Variants in SKA3 observed in about 807,000 individuals in gnomAD.
The protein encoded by SKA3 is spindle and kinetochore associated complex subunit 3.
Under a neutral mutation model 44.2 loss-of-function variants are expected in SKA3, and 39 were observed. The observed-to-expected ratio is 0.88, with a 90% CI of 0.68 to 1.15. The LOEUF (loss-of-function observed/expected upper bound fraction) is 1.15. Ranked by LOEUF, SKA3 falls within the 50% of genes most tolerant of loss-of-function variation. SKA3 has a pLI of 0.00. For synonymous variants in SKA3, 192 were observed against 172.0 expected (o/e 1.12, Z -0.91); for missense variants, 511 against 485.8 (o/e 1.05, Z -0.49).
At chr13:21,174,965 C>T (rs1489483372) in intron 1 of SKA3, among the ~76,000 whole-genome samples, 1 of 152,086 alleles carries the variant, frequency 6.6e-6, no homozygotes, top group Non-Finnish European at 1.5e-5. Flanking sequence ...TTTCACATTC[C>T]TGATGACCAT....
Position 21,168,162 on chromosome 13 carries a change from GT to G in SKA3, c.568del (p.Thr190ProfsTer8). The G allele has an allele frequency of 1.2e-6, 2 of 1,614,122 alleles. No individual in the cohort carries two copies. The highest frequency in any genetic ancestry group is 1.7e-6 in the Non-Finnish European group (2 of 1,179,998). The part of the protein sequence containing the change: ...NNYKEEPVIV[T>X]PPTKQSLVKV... ...TACTAGTGATTGTTTGGTAGGTGGG[GT>G]TACAATTACGGGCTCTTCCTTATAG... On this transcript the variant is annotated frameshift_variant, in exon 4 of 9. Coordinates refer to ENST00000314759, the MANE Select transcript of SKA3 (RefSeq NM_145061.6). LOFTEE classifies it high-confidence loss of function.
intron 3 of SKA3, 111 bp downstream of exon 3, chr13:21,172,228 A>G (rs1595306260): frequency 3.4e-6 from 2 of 592,918 alleles, no homozygotes; most frequent in African/African-American, 1.9e-5. Context: ...TAAGCGTCAG[A>G]TAACAACAGA....
intron 8 of SKA3, among the ~76,000 whole-genome samples, 155 bp downstream of exon 8, chr13:21,155,538 C>G (rs1177338814): frequency 6.6e-6 from 1 of 151,982 alleles, no homozygotes; most frequent in African/African-American, 2.4e-5. Context: ...TCCTGAGTAG[C>G]TGGGACTACA....
At chr13:21,174,517 T>G in intron 1 of SKA3, among the ~76,000 whole-genome samples, 1 of 150,668 alleles carries the variant, frequency 6.6e-6, no homozygotes, top group African/African-American at 2.5e-5. Flanking sequence ...CACTCATAGG[T>G]GGGAATTGAA....
chr13:21,159,565 C>A (rs1008350468), intron 6 of SKA3, among the ~76,000 whole-genome samples: 1 of 151,990 alleles, frequency 6.6e-6, no homozygotes, highest in South Asian at 2.1e-4. Context: ...TATGGATATG[C>A]CTTGCTGTGT....
At position 21,154,697 on chromosome 13, in the gene SKA3, T is replaced by C. The variant is rs1870002140; in HGVS notation, c.*453A>G. 1 of 192,292 alleles carries C rather than the reference T, an allele frequency of 5.2e-6. No individual in the cohort carries two copies. Among genetic ancestry groups the C allele is most frequent in the Non-Finnish European group, 1.1e-5 (1 of 91,852 alleles). 11.9% of individuals were successfully genotyped at this position (192,292 alleles called of 1,614,324 possible). A position where few individuals can be genotyped will look rare whatever the true frequency, so the allele number is the denominator to read the frequency against. ...CTGTTGTTTGCAAACAGCAACTGCATCTTCAGACAGCACTGAGCAAGTAAA... is the reference window on the plus strand; with the variant it reads ...CTGTTGTTTGCAAACAGCAACTGCACCTTCAGACAGCACTGAGCAAGTAAA... On this transcript the variant is annotated 3_prime_UTR_variant, in exon 9 of 9. Coordinates refer to ENST00000314759, the MANE Select transcript of SKA3 (RefSeq NM_145061.6).
chr13:21,159,910 T>C lies in SKA3; in HGVS notation c.907A>G (p.Ile303Val). The change falls in exon 6 of 9, where the codon ATA becomes GTA. Residue 303 changes from isoleucine to valine, a missense_variant. Transcript: ENST00000314759. Reference sequence around the variant, plus strand: ...ATTTTATGGAAAGTTACCAAAGCTATGCTGTTCTTTGTAGATGGAATTTTC... The same window carrying C: ...ATTTTATGGAAAGTTACCAAAGCTACGCTGTTCTTTGTAGATGGAATTTTC... The part of the protein sequence containing the change: ...GLKIPSTKNS[I>V]ALVSTNYPLS... 1 of 1,606,914 alleles carries C rather than the reference T, an allele frequency of 6.2e-7. No homozygotes were observed. Among genetic ancestry groups the C allele is most frequent in the Non-Finnish European group, 8.5e-7 (1 of 1,177,270 alleles).
intron 1 of SKA3, among the ~76,000 whole-genome samples, chr13:21,174,041 A>T (rs1871255452): frequency 6.6e-6 from 1 of 152,208 alleles, no homozygotes; most frequent in African/African-American, 2.4e-5. Context: ...ACAATGAGAT[A>T]CCATCTCACA....
At chr13:21,174,523 T>C (rs190462846) in intron 1 of SKA3, among the ~76,000 whole-genome samples, 82 of 151,988 alleles carry the variant, frequency 5.4e-4, no homozygotes, top group African/African-American at 1.9e-3. Context: ...TAGGTGGGAA[T>C]TGAACAATGA....
intron 4 of SKA3, 97 bp from the exon 5 acceptor site, chr13:21,161,972 C>A: frequency 1.6e-6 from 1 of 642,396 alleles, no homozygotes; most frequent in South Asian, 3.0e-5. Flanking sequence ...TTTGGACAAA[C>A]ATTCAGTTAT....
At chr13:21,168,697 A>G (rs535055623) in intron 3 of SKA3, among the ~76,000 whole-genome samples, 1 of 151,994 alleles carries the variant, frequency 6.6e-6, no homozygotes, top group Non-Finnish European at 1.5e-5. Flanking sequence ...GCTAATTTTA[A>G]AAATTTTTTT....
intron 5 of SKA3, among the ~76,000 whole-genome samples, chr13:21,160,472 C>T (rs1446256959): frequency 1.4e-5 from 2 of 147,622 alleles, no homozygotes; most frequent in African/African-American, 5.3e-5. Flanking sequence ...TAGACAATTG[C>T]TATCTAGAAC....
chr13:21,176,329 C>G (rs1035331098), intron 1 of SKA3, 46 bp downstream of exon 1: 1 of 1,324,446 alleles, frequency 7.6e-7, no homozygotes, highest in African/African-American at 1.5e-5. Flanking sequence ...CCCCTCCGCC[C>G]GCGGCGCACC....
intron 1 of SKA3, among the ~76,000 whole-genome samples, chr13:21,175,171 T>G (rs2137387933): frequency 6.6e-6 from 1 of 151,458 alleles, no homozygotes; most frequent in African/African-American, 2.4e-5. Context: ...AGAGACGAGG[T>G]TTCACCACGT....
In SKA3 at chr13:21,161,818, G is replaced by C; in HGVS notation, c.801C>G (p.Ser267Arg). The C allele has an allele frequency of 1.2e-6, 2 of 1,612,268 alleles. No homozygotes were observed. Among genetic ancestry groups the C allele is most frequent in the South Asian group, 2.2e-5 (2 of 90,840 alleles). The change falls in exon 5 of 9, where the codon AGC becomes AGG. Residue 267 changes from serine (S) to arginine (R), a missense_variant. Physicochemically the swap from Ser to Arg is moderately radical, Grantham distance 110. Transcript: ENST00000314759. ...TTTTTTCCAACTGCTGGATGATGGGGCTGGGAGTGGCAAAAACATTATCAT... is the reference window on the plus strand; with the variant it reads ...TTTTTTCCAACTGCTGGATGATGGGCCTGGGAGTGGCAAAAACATTATCAT... ...RLNDNVFATP[S>R]PIIQQLEKSD...
chr13:21,173,464 T>G (rs766517507), intron 1 of SKA3, among the ~76,000 whole-genome samples: 7 of 152,192 alleles, frequency 4.6e-5, no homozygotes, highest in Non-Finnish European at 1.0e-4. Flanking sequence ...ACCATGTTGG[T>G]GAGGCTGGTC....
Position 21,172,412 on chromosome 13 carries a change from ATT to A in SKA3, c.256_257del (p.Asn86PhefsTer17). The A allele has an allele frequency of 6.3e-7, 1 of 1,589,690 alleles. No homozygotes were observed. The highest frequency in any genetic ancestry group is 8.5e-7 in the Non-Finnish European group (1 of 1,171,736). On this transcript the variant is annotated frameshift_variant, in exon 3 of 9. Coordinates refer to ENST00000314759, the MANE Select transcript of SKA3 (RefSeq NM_145061.6). LOFTEE classifies it high-confidence loss of function. ...IKATKVLMEK[N>X]SMDIMKIREY... ...CTCTTATTTTCATAATATCCATTGA[ATT>A]TTTTTCCATTAGTACTTTTGTTGCC...
chr13:21,170,361 GTA>G (rs1870971376), intron 3 of SKA3, among the ~76,000 whole-genome samples: 1 of 151,952 alleles, frequency 6.6e-6, no homozygotes, highest in Non-Finnish European at 1.5e-5. Context: ...CGTATTTTTA[GTA>G]GAGACAGGGT....
intron 4 of SKA3, among the ~76,000 whole-genome samples, chr13:21,165,373 G>T (rs969438274): frequency 2.0e-5 from 3 of 151,994 alleles, no homozygotes; most frequent in Non-Finnish European, 4.4e-5. Flanking sequence ...AGTGAGCTAT[G>T]ATGATGCCTC....
Sources: gnomAD v4.1 joint callset for allele counts (sites outside exome capture counted in the v4.1 genomes callset) on GRCh38, gnomAD v4.1.1 for gene constraint, MANE v1.5 for transcripts, NCBI Gene and HGNC (gene_info 2026-07-23, HGNC 2026-07-21) for gene names.